Variants in ST7 observed in about 807,000 individuals in gnomAD.
ST7 encodes suppressor of tumorigenicity 7 protein.
In ST7, 28 loss-of-function variants were observed where a neutral mutation model predicts 78.7. That is an observed-to-expected ratio of 0.36 (90% CI 0.26 to 0.49). The LOEUF (loss-of-function observed/expected upper bound fraction) is 0.49, where lower values mean the gene tolerates loss of function less well. ST7 is among the 20% of genes least tolerant of loss of function. The pLI is 0.99. For synonymous variants in ST7, 247 were observed against 249.6 expected (o/e 0.99, Z 0.10); for missense variants, 418 against 696.0 (o/e 0.60, Z 4.49).
rs376908793 is a variant in ST7, at chr7:117,190,849, T to C, written c.1167T>C (p.Ala389=). Residue 389 remains alanine, a synonymous_variant, in exon 12 of 16, where the codon GCT becomes GCC. Coordinates refer to ENST00000323984, the MANE Select transcript of ST7 (RefSeq NM_001369598.1). This position sits in a 1 kb window ranked among gnomAD's most constrained non-coding sequence, Gnocchi z 5.2. The part of the protein sequence containing the change: ...RAVSDKFSPE[A]ASRRGLSTAE... ...TGCTTTTCAGATTCTCTCCTGAGGC[T>C]GCATCTCGGCGGGGGCTGAGCACAG... The C allele has an allele frequency of 8.1e-6, 13 of 1,613,988 alleles. No individual in the cohort carries two copies. Among genetic ancestry groups the C allele is most frequent in the Non-Finnish European group, 1.0e-5 (12 of 1,179,960 alleles).
rs552184045 is a variant in ST7, at chr7:117,095,220, A to G, written c.152-4542A>G. ...ACTCTGAAGAAGATAGTGGCAGGCT[A>G]TTACTGTCATGAGAGCCAGAACGTG... On this transcript the variant is annotated intron_variant, in intron 1 of 15. Transcript: ENST00000323984. Among the ~76,000 whole-genome samples, 11 of 152,298 alleles carry G rather than the reference A, an allele frequency of 7.2e-5. No homozygotes were observed. In the East Asian group the frequency reaches 1.9e-3, roughly 27 times the overall value.
At chr7:117,035,677 T>C (rs1231052109) in intron 1 of ST7, among the ~76,000 whole-genome samples, 3 of 152,176 alleles carry the variant, frequency 2.0e-5, no homozygotes, top group Admixed American at 6.5e-5. Flanking sequence ...CAGGAGGACA[T>C]TGGTTTTCAT....
chr7:117,018,799 C>T (rs922184363), intron 1 of ST7, among the ~76,000 whole-genome samples: 1 of 152,182 alleles, frequency 6.6e-6, no homozygotes, highest in Non-Finnish European at 1.5e-5. Flanking sequence ...ACATAGTAAA[C>T]ACTCAGTAAA....
At chr7:117,188,944 G>T (rs1198698200) in intron 10 of ST7, among the ~76,000 whole-genome samples, 1 of 151,988 alleles carries the variant, frequency 6.6e-6, no homozygotes. Context: ...TACCTGTTGA[G>T]AAATTTTTGT....
chr7:117,088,114 T>G (rs1235615266), intron 1 of ST7, among the ~76,000 whole-genome samples: 1 of 152,194 alleles, frequency 6.6e-6, no homozygotes, highest in Non-Finnish European at 1.5e-5. Flanking sequence ...TACTCTCTCT[T>G]CTTTCCTCTC....
chr7:116,981,301 G>T (rs948722393), intron 1 of ST7, among the ~76,000 whole-genome samples: 2 of 151,920 alleles, frequency 1.3e-5, no homozygotes, highest in African/African-American at 4.8e-5. Flanking sequence ...GTAGAGCTGG[G>T]TTCTCACTAT....
intron 1 of ST7, among the ~76,000 whole-genome samples, chr7:117,076,946 G>A (rs1483601078): frequency 6.6e-6 from 1 of 152,188 alleles, no homozygotes; most frequent in Admixed American, 6.5e-5. Flanking sequence ...GCACCCAGGA[G>A]AAACAAGTTT....
chr7:117,218,785 A>T (rs1327201426), intron 13 of ST7, among the ~76,000 whole-genome samples: 1 of 152,186 alleles, frequency 6.6e-6, no homozygotes, highest in East Asian at 1.9e-4. Context: ...CATTTTAATA[A>T]TATTTAGTAG....
chr7:117,099,353 G>A (rs1424880523), intron 1 of ST7, among the ~76,000 whole-genome samples: 1 of 151,996 alleles, frequency 6.6e-6, no homozygotes, highest in African/African-American at 2.4e-5. Context: ...TTTATTCTAA[G>A]GTTGAAATAC....
intron 9 of ST7, among the ~76,000 whole-genome samples, chr7:117,160,978 G>A (rs1807095869): frequency 6.6e-6 from 1 of 152,186 alleles, no homozygotes; most frequent in African/African-American, 2.4e-5. Flanking sequence ...TGTGGTTCAT[G>A]TGGGATTAGC....
At chr7:117,096,637 T>C (rs1409919461) in intron 1 of ST7, among the ~76,000 whole-genome samples, 3 of 152,196 alleles carry the variant, frequency 2.0e-5, no homozygotes, top group Non-Finnish European at 4.4e-5. Flanking sequence ...CGAATAATAT[T>C]GATCTCATGG....
intron 1 of ST7, among the ~76,000 whole-genome samples, chr7:117,095,748 A>T (rs956481335): frequency 2.6e-5 from 4 of 152,120 alleles, no homozygotes; most frequent in Non-Finnish European, 5.9e-5. Context: ...ACAAGTATGG[A>T]GGTGACCTTG....
At chr7:117,175,910 T>C (rs1324942565) in intron 10 of ST7, among the ~76,000 whole-genome samples, 1 of 152,016 alleles carries the variant, frequency 6.6e-6, no homozygotes, top group Non-Finnish European at 1.5e-5. Flanking sequence ...CCCAGTCTTA[T>C]GCTCTGCAAA....
At chr7:117,030,592 A>G (rs1796425440) in intron 1 of ST7, among the ~76,000 whole-genome samples, 1 of 152,236 alleles carries the variant, frequency 6.6e-6, no homozygotes, top group African/African-American at 2.4e-5. Context: ...AAAAATGGTC[A>G]ATATCACTAA....
At chr7:116,968,412 T>TA (rs984837221) in intron 1 of ST7, 3 of 453,250 alleles carry the variant, frequency 6.6e-6, no homozygotes, top group African/African-American at 6.1e-5. Context: ...CTTACTATGT[T>TA]GACCGTGCTG....
At chr7:117,108,086 T>G (rs1240644676) in intron 2 of ST7, among the ~76,000 whole-genome samples, 5 of 152,190 alleles carry the variant, frequency 3.3e-5, no homozygotes, top group Non-Finnish European at 5.9e-5. Context: ...AGAAGCTTTT[T>G]AGTTTAATTA....
At chr7:117,020,633 A>C in intron 1 of ST7, 1 of 1,550,970 alleles carries the variant, frequency 6.4e-7, no homozygotes, top group Non-Finnish European at 8.7e-7. Flanking sequence ...TCTTCATGTA[A>C]GTAAATGGAT....
At chr7:117,113,450 G>A (rs1195866345) in intron 2 of ST7, among the ~76,000 whole-genome samples, 1 of 152,180 alleles carries the variant, frequency 6.6e-6, no homozygotes, top group Non-Finnish European at 1.5e-5. Context: ...AAAAGAAAGA[G>A]AGAAGAGGAA....
Position 116,956,817 on chromosome 7 carries a change from A to G in ST7, c.151+3126A>G, listed in dbSNP as rs535515345. 10 of 363,902 alleles carry G rather than the reference A, an allele frequency of 2.7e-5. No individual in the cohort carries two copies. The East Asian group carries it at 7.3e-4, about 27-fold the overall frequency. 22.5% of individuals were successfully genotyped at this position (363,902 alleles called of 1,614,324 possible). A position where few individuals can be genotyped will look rare whatever the true frequency, so the allele number is the denominator to read the frequency against. The stretch of plus-strand genomic sequence containing the variant: ...TAAGAAAGATGAATGAGTTTGTAAA[A>G]CCCAGGGTAAATAAGGAGTTTACTA... On this transcript the variant is annotated intron_variant, in intron 1 of 15. Coordinates refer to ENST00000323984, the MANE Select transcript of ST7 (RefSeq NM_001369598.1).
Sources: gnomAD v4.1 joint callset for allele counts (sites outside exome capture counted in the v4.1 genomes callset) on GRCh38, gnomAD v4.1.1 for gene constraint, Gnocchi (gnomAD v3.1) non-coding constraint, MANE v1.5 for transcripts, NCBI Gene and HGNC (gene_info 2026-07-23, HGNC 2026-07-21) for gene names.